Variants in HERPUD2 observed in about 807,000 individuals in gnomAD.
HERPUD2 encodes HERPUD family member 2.
HERPUD2 carries 13 observed loss-of-function variants against 49.9 expected under a neutral mutation model. The observed-to-expected ratio is 0.26, with a 90% CI of 0.17 to 0.41. HERPUD2 has a LOEUF of 0.41. Ranked by LOEUF, HERPUD2 falls within the 10% of genes least tolerant of loss-of-function variation. The pLI is 1.00. For synonymous variants in HERPUD2, 172 were observed against 171.4 expected (o/e 1.00, Z -0.03); for missense variants, 449 against 492.2 (o/e 0.91, Z 0.83).
chr7:35,670,487 T>C (rs1008399075), intron 3 of HERPUD2, among the ~76,000 whole-genome samples, 159 bp from the exon 4 acceptor site: 10 of 152,016 alleles, frequency 6.6e-5, no homozygotes, highest in African/African-American at 2.4e-4. Flanking sequence ...TTTGTCATTT[T>C]ATTTGTGATC....
intron 2 of HERPUD2, among the ~76,000 whole-genome samples, chr7:35,673,914 G>T: frequency 6.6e-6 from 1 of 152,102 alleles, no homozygotes; most frequent in East Asian, 1.9e-4. Context: ...CAAGTGCATG[G>T]AGAGTCAGTT....
chr7:35,694,232 G>C lies in HERPUD2; in HGVS notation c.99C>G (p.Thr33=). ...DQTISCFLNW[T]VGKLKTHLSN... is the part of the protein sequence containing the mutation. ...ATAGATGCGTTTTTAGTTTCCCCAC[G>C]GTCCAGTTCAAGAAGCAGCTAATAG... is the stretch of plus-strand genomic sequence containing the variant. The change falls in exon 2 of 9, where the codon ACC becomes ACG. Residue 33 remains threonine (T), a synonymous_variant. Coordinates refer to ENST00000311350, the MANE Select transcript of HERPUD2 (RefSeq NM_022373.5). 1 of 1,614,026 alleles carries C rather than the reference G, an allele frequency of 6.2e-7. No individual in the cohort carries two copies. The highest frequency in any genetic ancestry group is 8.5e-7 in the Non-Finnish European group (1 of 1,180,008).
chr7:35,688,338 A>G (rs1292019238), intron 2 of HERPUD2, among the ~76,000 whole-genome samples: 1 of 152,240 alleles, frequency 6.6e-6, no homozygotes, highest in Non-Finnish European at 1.5e-5. Flanking sequence ...AACAGTAAGC[A>G]AAACTGTACC....
chr7:35,682,343 GTGTGTGTGTGTGTGTATATATATATATA>G lies in HERPUD2; in HGVS notation c.148-9093_148-9066del, dbSNP rs1562686265. Among the ~76,000 whole-genome samples, 52 of 37,728 alleles carry G rather than the reference GTGTGTGTGTGTGTGTATATATATATATA, an allele frequency of 1.4e-3. 2 individuals carry two copies. Among genetic ancestry groups the G allele is most frequent in the Middle Eastern group, 0.01 (1 of 96 alleles). 24.8% of individuals were successfully genotyped at this position (37,728 alleles called of 152,430 possible). A position where few individuals can be genotyped will look rare whatever the true frequency, so the allele number is the denominator to read the frequency against. ...CATACACACGTGTGTGTGTGTGTGT[GTGTGTGTGTGTGTGTATATATATATATA>G]TATATATATATATATACTTAATCGG... is the stretch of plus-strand genomic sequence containing the variant. On this transcript the variant is annotated intron_variant, in intron 2 of 8. Transcript: ENST00000311350.
chr7:35,694,471 G>A lies in HERPUD2; in HGVS notation c.-141C>T, dbSNP rs545337893. 9 of 827,968 alleles carry A rather than the reference G, an allele frequency of 1.1e-5. No individual in the cohort carries two copies. In the East Asian group the frequency reaches 2.1e-4, roughly 19 times the overall value. The allele number at this position is 827,968 out of a possible 1,614,324, so 51.3% of individuals were successfully genotyped here. On this transcript the variant is annotated 5_prime_UTR_variant, in exon 2 of 9. Coordinates refer to ENST00000311350, the MANE Select transcript of HERPUD2 (RefSeq NM_022373.5). ...GTCCAAGTCAGTTACAAGTGCACTGGAGGATACGAAGCCCATTGCCGGTAC... is the reference window on the plus strand; with the variant it reads ...GTCCAAGTCAGTTACAAGTGCACTGAAGGATACGAAGCCCATTGCCGGTAC...
chr7:35,636,386 A>G (rs375815196), intron 6 of HERPUD2, among the ~76,000 whole-genome samples: 13 of 152,360 alleles, frequency 8.5e-5, no homozygotes, highest in African/African-American at 3.1e-4. Context: ...AGGGCTTTTT[A>G]GTTTAGAAAA....
chr7:35,694,478 C>A lies in HERPUD2; in HGVS notation c.-148G>T, dbSNP rs1397298512. ...TCAGTTACAAGTGCACTGGAGGATA[C>A]GAAGCCCATTGCCGGTACCAAGGAT... On this transcript the variant is annotated 5_prime_UTR_variant, in exon 2 of 9. Coordinates refer to ENST00000311350, the MANE Select transcript of HERPUD2 (RefSeq NM_022373.5). 1.3e-5 allele frequency: 10 copies of A among 769,014 alleles called. No homozygotes were observed. Among genetic ancestry groups the A allele is most frequent in the Non-Finnish European group, 2.1e-5 (10 of 474,924 alleles). 47.6% of individuals were successfully genotyped at this position (769,014 alleles called of 1,614,324 possible).
rs370156159 is a variant in HERPUD2 at position 35,633,629 on chromosome 7, C to T, written c.*61G>A. On this transcript the variant is annotated 3_prime_UTR_variant, in exon 9 of 9. Transcript: ENST00000311350. ...AGTTATAAATTTTTTTGAAATTGCA[C>T]TGTTATTTAAACCACTTTCCTGAAG... is the stretch of plus-strand genomic sequence containing the variant. 4.7e-6 allele frequency: 7 copies of T among 1,481,664 alleles called. No homozygotes were observed. Among genetic ancestry groups the T allele is most frequent in the African/African-American group, 4.2e-5 (3 of 70,604 alleles). The allele number at this position is 1,481,664 out of a possible 1,614,324, so 91.8% of individuals were successfully genotyped here.
In HERPUD2 at chr7:35,633,726, T is replaced by G. The variant is rs201560718; in HGVS notation, c.1185A>C (p.Ser395=). ...AWSFITTFFT[S]LIPEGPPQVA... Reference sequence around the variant, plus strand: ...CCTGGGGAGGCCCCTCTGGTATTAGTGAAGTAAAGAAGGTGGTGATGAAAG... The same window carrying G: ...CCTGGGGAGGCCCCTCTGGTATTAGGGAAGTAAAGAAGGTGGTGATGAAAG... The change falls in exon 9 of 9, where the codon TCA becomes TCC. Residue 395 remains serine, a synonymous_variant. Transcript: ENST00000311350. 6.2e-7 allele frequency: 1 copy of G among 1,613,966 alleles called. No individual in the cohort carries two copies. Among genetic ancestry groups the G allele is most frequent in the Non-Finnish European group, 8.5e-7 (1 of 1,179,918 alleles).
intron 5 of HERPUD2, among the ~76,000 whole-genome samples, chr7:35,648,759 G>A (rs757375177): frequency 5.3e-5 from 8 of 152,108 alleles, no homozygotes; most frequent in Non-Finnish European, 8.8e-5. Context: ...ACTTGAAACG[G>A]CCCTGAACTC....
At chr7:35,639,795 C>T (rs139550260) in intron 5 of HERPUD2, among the ~76,000 whole-genome samples, 22 of 152,262 alleles carry the variant, frequency 1.4e-4, no homozygotes, top group Non-Finnish European at 2.2e-4. Context: ...GCCTTATCAA[C>T]AGGCTATACT....
At chr7:35,685,036 T>C (rs1786006723) in intron 2 of HERPUD2, among the ~76,000 whole-genome samples, 2 of 151,772 alleles carry the variant, frequency 1.3e-5, no homozygotes, top group East Asian at 3.9e-4. Flanking sequence ...AGCCCAGGAG[T>C]TCCAGACCAG....
Position 35,633,821 on chromosome 7 carries a change from C to T in HERPUD2, c.1090G>A (p.Glu364Lys). ...TCTTCACCTCCATCTTCTCCACTCT[C>T]ATCTTCAAGCCCATCATCCATAAGA... ...ERLMDDGLED[E>K]SGEDGGEDAS... The change falls in exon 9 of 9, where the codon GAG becomes AAG. Residue 364 changes from glutamate (E) to lysine (K), a missense_variant. Transcript: ENST00000311350. 1 of 1,613,948 alleles carries T rather than the reference C, an allele frequency of 6.2e-7. No individual in the cohort carries two copies. Among genetic ancestry groups the T allele is most frequent in the Non-Finnish European group, 8.5e-7 (1 of 1,179,920 alleles).
chr7:35,649,124 G>A (rs1207415660), intron 5 of HERPUD2, among the ~76,000 whole-genome samples: 2 of 151,976 alleles, frequency 1.3e-5, no homozygotes, highest in East Asian at 1.9e-4. Context: ...GGTGGCAGGC[G>A]CCTGTAGTCC....
intron 5 of HERPUD2, among the ~76,000 whole-genome samples, chr7:35,640,047 C>T (rs570377075): frequency 6.6e-6 from 1 of 152,298 alleles, no homozygotes; most frequent in East Asian, 1.9e-4. Flanking sequence ...AAGCAAACCT[C>T]AACCCAGTTA....
intron 3 of HERPUD2, among the ~76,000 whole-genome samples, chr7:35,672,765 T>A (rs1378514703): frequency 6.6e-6 from 1 of 152,074 alleles, no homozygotes; most frequent in Non-Finnish European, 1.5e-5. Context: ...ACCCACAAAG[T>A]TTGCTAACTG....
intron 8 of HERPUD2, among the ~76,000 whole-genome samples, chr7:35,634,096 A>T (rs74734822): frequency 2.2e-3 from 341 of 152,330 alleles, no homozygotes; most frequent in East Asian, 6.7e-3. Flanking sequence ...AAGAAAAAAA[A>T]AGTTACTTCT....
chr7:35,665,923 C>CAAAAT (rs1785528760), intron 5 of HERPUD2, among the ~76,000 whole-genome samples: 2 of 152,134 alleles, frequency 1.3e-5, no homozygotes, highest in Non-Finnish European at 2.9e-5. Context: ...AAAATATATT[C>CAAAAT]ACTGTAAGTA....
chr7:35,663,674 T>C (rs1785477486), intron 5 of HERPUD2, among the ~76,000 whole-genome samples: 1 of 152,214 alleles, frequency 6.6e-6, no homozygotes, highest in East Asian at 1.9e-4. Context: ...TTGTCTCTTT[T>C]GATCTGTTGG....
Sources: allele counts gnomAD v4.1 joint callset (sites outside exome capture counted in the v4.1 genomes callset), GRCh38; gene constraint gnomAD v4.1.1; transcripts MANE v1.5; gene names NCBI Gene and HGNC (gene_info 2026-07-23, HGNC 2026-07-21).